The following MEPE variants were observed in gnomAD, a reference collection of about 807,000 sequenced individuals.
MEPE encodes the protein matrix extracellular phosphoglycoprotein, also known as matrix, extracellular phosphoglycoprotein with ASARM motif (bone).
In MEPE, 7 loss-of-function variants were observed where a neutral mutation model predicts 7.3. The observed-to-expected ratio is 0.95, with a 90% CI of 0.54 to 1.79. MEPE has a LOEUF of 1.79. Ranked by LOEUF, MEPE falls within the 40% of genes most tolerant of loss-of-function variation. The probability of loss-of-function intolerance (pLI) is 0.00; values close to 1 mark genes in which losing one functional copy is unlikely to be tolerated. For missense variants in MEPE, 623 were observed against 628.2 expected, an observed-to-expected ratio of 0.99 and a Z score of 0.09; for synonymous variants, 214 against 213.1, an observed-to-expected ratio of 1.00 and a Z score of -0.04.
intron 1 of MEPE, among the ~76,000 whole-genome samples, chr4:87,824,976 G>A (rs1722426048): frequency 6.6e-6 from 1 of 152,100 alleles, no homozygotes; most frequent in South Asian, 2.1e-4. Flanking sequence ...GCGGCCCCAA[G>A]AGCTGGGACT....
At chr4:87,826,542 C>G (rs1560533469) in intron 1 of MEPE, among the ~76,000 whole-genome samples, 1 of 152,050 alleles carries the variant, frequency 6.6e-6, no homozygotes, top group Non-Finnish European at 1.5e-5. Flanking sequence ...GTATTTCTGC[C>G]TCTAGGTCTT....
rs530012413 is a variant in MEPE, at chr4:87,824,632, T to C, written c.-13+3161T>C. 1.4e-4 allele frequency among the ~76,000 whole-genome samples: 21 copies of C among 152,350 alleles called. No homozygotes were observed. In the South Asian group the frequency reaches 3.1e-3, roughly 23 times the overall value. ...AGTTCACTGATCCCCTTTTAGATGA[T>C]TGTATAAACTATGATCATTTTGAAA... On this transcript the variant is annotated intron_variant, in intron 1 of 3. Transcript: ENST00000424957.
chr4:87,845,159 T>A lies in MEPE; in HGVS notation c.291T>A (p.Asn97Lys), dbSNP rs746312276. ...ATTTCACAAATAGACAGAGACTGAA[T>A]AAAGAATATAGTATCAGTAACAAAG... ...QNYFTNRQRLNKEYSISNKEN... is the reference protein window; with the variant it reads ...QNYFTNRQRLKKEYSISNKEN... The change falls in exon 4 of 4, where the codon AAT (asparagine) becomes AAA (lysine). Residue 97 changes from asparagine (N) to lysine (K), a missense_variant. Asn to Lys is a moderately conservative substitution (Grantham distance 94, BLOSUM62 0). Transcript: ENST00000361056. 6.2e-7 allele frequency: 1 copy of A among 1,613,502 alleles called. No homozygotes were observed. Among genetic ancestry groups the A allele is most frequent in the Non-Finnish European group, 8.5e-7 (1 of 1,179,730 alleles).
upstream of MEPE, among the ~76,000 whole-genome samples, chr4:87,830,199 A>T (rs1393761954): frequency 6.6e-6 from 1 of 152,186 alleles, no homozygotes; most frequent in East Asian, 1.9e-4. Context: ...AAGCAGAACT[A>T]CTGTTTGATC....
At chr4:87,837,646 C>G (rs139256296) in intron 2 of MEPE, 1 of 152,276 alleles carries the variant, frequency 6.6e-6, no homozygotes, top group African/African-American at 2.4e-5. Flanking sequence ...AAGGGGTTCT[C>G]TCTTTTATAT....
At chr4:87,825,113 G>A (rs1227204159) in intron 1 of MEPE, among the ~76,000 whole-genome samples, 1 of 152,210 alleles carries the variant, frequency 6.6e-6, no homozygotes, top group African/African-American at 2.4e-5. Context: ...TTGATGAGAT[G>A]TTTCTGACAG....
rs554314390 is a variant in MEPE, at chr4:87,822,247, T to C, written c.-13+776T>C. 5.4e-4 allele frequency among the ~76,000 whole-genome samples: 83 copies of C among 152,314 alleles called. 1 individual carries two copies. In the Middle Eastern group the frequency reaches 0.017, roughly 31 times the overall value. On this transcript the variant is annotated intron_variant, in intron 1 of 3. Transcript: ENST00000424957. ...GGCGTATTATTTCATATTTTTAAGC[T>C]AGTGGGAAGCCCAATCACCTGACTC...
At chr4:87,829,155 C>A (rs1414245583), upstream of MEPE, among the ~76,000 whole-genome samples, 1 of 152,108 alleles carries the variant, frequency 6.6e-6, no homozygotes, top group Non-Finnish European at 1.5e-5. Context: ...GGATCATTCT[C>A]CTAATTTTTT....
chr4:87,834,637 C>A, intron 1 of MEPE, 66 bp from the exon 2 acceptor site: 1 of 1,257,208 alleles, frequency 8.0e-7, no homozygotes, highest in Non-Finnish European at 1.1e-6. Context: ...TGTGTTTTAT[C>A]TCTTCTTATG....
chr4:87,845,746 G>C lies in MEPE; in HGVS notation c.878G>C (p.Ser293Thr). Reference sequence around the variant, plus strand: ...TTTGCAGGCCCAAGTGAAGCTGAGAGTACTCATCTTGACACAAAAAAGCCA... The same window carrying C: ...TTTGCAGGCCCAAGTGAAGCTGAGACTACTCATCTTGACACAAAAAAGCCA... ...TGFAGPSEAE[S>T]THLDTKKPGY... Residue 293 changes from serine to threonine, a missense_variant, in exon 4 of 4, where the codon AGT becomes ACT. By Grantham distance (58) the Ser-to-Thr change is moderately conservative. Coordinates refer to ENST00000361056, the MANE Select transcript of MEPE (RefSeq NM_020203.6). 1.9e-6 allele frequency: 3 copies of C among 1,613,928 alleles called. No individual in the cohort carries two copies. The highest frequency in any genetic ancestry group is 2.5e-6 in the Non-Finnish European group (3 of 1,179,920).
At chr4:87,832,046 C>T (rs1382747563), upstream of MEPE, among the ~76,000 whole-genome samples, 1 of 151,930 alleles carries the variant, frequency 6.6e-6, no homozygotes, top group East Asian at 1.9e-4. Flanking sequence ...TCTATCTCTT[C>T]TTCCAATTTG....
At chr4:87,838,551 A>C in intron 2 of MEPE, 81 bp from the exon 3 acceptor site, 1 of 1,338,222 alleles carries the variant, frequency 7.5e-7, no homozygotes, top group Non-Finnish European at 1.1e-6. Flanking sequence ...GTGAGAGAAA[A>C]ATAAATGAAA....
chr4:87,832,693 G>C (rs1184248317), upstream of MEPE, among the ~76,000 whole-genome samples: 1 of 152,186 alleles, frequency 6.6e-6, no homozygotes. Flanking sequence ...TAGGTATTCA[G>C]TCAGTCCTAA....
At chr4:87,822,636 G>A (rs1722364076) in intron 1 of MEPE, among the ~76,000 whole-genome samples, 1 of 152,306 alleles carries the variant, frequency 6.6e-6, no homozygotes, top group East Asian at 1.9e-4. Context: ...ATGACAGATG[G>A]CACAGGTGGT....
upstream of MEPE, among the ~76,000 whole-genome samples, chr4:87,828,144 C>T (rs1722512169): frequency 6.6e-6 from 1 of 152,106 alleles, no homozygotes; most frequent in Non-Finnish European, 1.5e-5. Flanking sequence ...CTATGAAATG[C>T]CTAAAGCCTT....
At chr4:87,839,216 CT>C (rs1424203855) in intron 3 of MEPE, among the ~76,000 whole-genome samples, 2 of 152,158 alleles carry the variant, frequency 1.3e-5, no homozygotes, top group African/African-American at 4.8e-5. Context: ...GTTCTAAGAA[CT>C]AACAATCTTC....
chr4:87,831,213 C>T (rs6846175), upstream of MEPE, among the ~76,000 whole-genome samples: 10,352 of 152,096 alleles, frequency 0.068, 1,188 homozygotes, highest in African/African-American at 0.24. Flanking sequence ...AGCAGGCAAT[C>T]GCACTGGAAA....
intron 1 of MEPE, among the ~76,000 whole-genome samples, chr4:87,821,983 C>G (rs1439432965): frequency 2.0e-5 from 3 of 152,128 alleles, no homozygotes; most frequent in Non-Finnish European, 4.4e-5. Context: ...CCAACACAGC[C>G]CTTACCTGAT....
upstream of MEPE, among the ~76,000 whole-genome samples, chr4:87,832,283 G>A (rs114209387): frequency 6.5e-3 from 995 of 152,170 alleles, 7 homozygotes; most frequent in Admixed American, 0.011. Flanking sequence ...GGAGGGACAC[G>A]TACATTGAAA....
Sources: allele counts gnomAD v4.1 joint callset (sites outside exome capture counted in the v4.1 genomes callset), GRCh38; gene constraint gnomAD v4.1.1; transcripts MANE v1.5; gene names NCBI Gene and HGNC (gene_info 2026-07-23, HGNC 2026-07-21).